Variants in ZNF516 observed in about 807,000 individuals in gnomAD.
The protein encoded by ZNF516 is zinc finger protein 516.
ZNF516 carries 19 observed loss-of-function variants against 79.7 expected under a neutral mutation model. The ratio of observed to expected loss-of-function variants is 0.24; its 90% CI spans 0.17 to 0.35. The LOEUF (loss-of-function observed/expected upper bound fraction) is 0.35. Among genes scored for constraint, ZNF516 ranks in the 10% least tolerant of loss-of-function variants. ZNF516 has a pLI of 1.00. For synonymous variants in ZNF516, 877 were observed against 739.5 expected, an observed-to-expected ratio of 1.19 and a Z score of -3.02; for missense variants, 1,678 against 1,679.5, an observed-to-expected ratio of 1.00 and a Z score of 0.02.
chr18:76,412,607 G>C (rs541115395), intron 3 of ZNF516, among the ~76,000 whole-genome samples: 3 of 152,288 alleles, frequency 2.0e-5, no homozygotes, highest in Admixed American at 1.3e-4. Context: ...CTGGGTAATA[G>C]AGGAAGGGAG....
chr18:76,440,588 T>C (rs749889262), intron 3 of ZNF516, among the ~76,000 whole-genome samples: 4 of 152,256 alleles, frequency 2.6e-5, no homozygotes, highest in Non-Finnish European at 4.4e-5. Context: ...CATCTTTAAA[T>C]ATTTACATGG....
intron 3 of ZNF516, among the ~76,000 whole-genome samples, chr18:76,415,017 G>A (rs766785035): frequency 3.9e-5 from 6 of 152,146 alleles, no homozygotes; most frequent in Admixed American, 6.5e-5. Flanking sequence ...GGCCAACCTG[G>A]TGAAACCCCA....
intron 1 of ZNF516, among the ~76,000 whole-genome samples, chr18:76,491,451 G>A (rs1449623790): frequency 8.1e-6 from 1 of 123,102 alleles, no homozygotes; most frequent in South Asian, 2.9e-4. Context: ...ACAGACCCCC[G>A]CCTTTGTTAT....
intron 6 of ZNF516, among the ~76,000 whole-genome samples, chr18:76,369,414 AAAAAAC>A (rs149758595): frequency 9.2e-5 from 14 of 152,336 alleles, no homozygotes; most frequent in Non-Finnish European, 1.9e-4. Context: ...AACAAGGCAA[AAAAAAC>A]AAAAACAAAA....
Position 76,362,312 on chromosome 18 carries a change from CAAG to C in ZNF516, c.*183_*185del. 1.8e-6 allele frequency: 1 copy of C among 543,698 alleles called. No homozygotes were observed. Among genetic ancestry groups the C allele is most frequent in the Non-Finnish European group, 3.4e-6 (1 of 295,422 alleles). The allele number at this position is 543,698 out of a possible 1,614,324, so 33.7% of individuals were successfully genotyped here. On this transcript the variant is annotated 3_prime_UTR_variant, in exon 7 of 7. Transcript: ENST00000443185. ...TCTTCATTTATTTCTGAACGTTTAA[CAAG>C]GAGAGGCATCTGCCTTCAGTTTCCA... is the stretch of plus-strand genomic sequence containing the variant.
At chr18:76,460,826 G>A (rs1223333767) in intron 2 of ZNF516, among the ~76,000 whole-genome samples, 2 of 152,186 alleles carry the variant, frequency 1.3e-5, no homozygotes, top group South Asian at 2.1e-4. Flanking sequence ...TGATCGCCTC[G>A]CTTGTTCATG....
intron 3 of ZNF516, among the ~76,000 whole-genome samples, chr18:76,380,553 A>C (rs1053776651): frequency 6.6e-6 from 1 of 152,142 alleles, no homozygotes; most frequent in Non-Finnish European, 1.5e-5. Flanking sequence ...ATACAATAGC[A>C]GTGGTGTATC....
At chr18:76,434,693 C>A (rs1362696137) in intron 3 of ZNF516, among the ~76,000 whole-genome samples, 1 of 152,234 alleles carries the variant, frequency 6.6e-6, no homozygotes, top group Non-Finnish European at 1.5e-5. Flanking sequence ...CCTGGGACTA[C>A]GCATTCCTGC....
rs533160564 is a variant in ZNF516 at position 76,478,210 on chromosome 18, G to A, written c.-271-15069C>T. On this transcript the variant is annotated intron_variant, in intron 1 of 6. Transcript: ENST00000443185. ...CAAATTCATCGATGAAGACTGCGGA[G>A]AGGAGAGGTATGTAAAACCATCATC... Among the ~76,000 whole-genome samples, 114 of 152,314 alleles carry A rather than the reference G, an allele frequency of 7.5e-4. 1 individual carries two copies. Among genetic ancestry groups the A allele is most frequent in the African/African-American group, 2.6e-3 (108 of 41,544 alleles).
intron 3 of ZNF516, among the ~76,000 whole-genome samples, chr18:76,406,921 G>A (rs913414474): frequency 1.3e-5 from 2 of 151,974 alleles, no homozygotes; most frequent in Non-Finnish European, 2.9e-5. Context: ...CCCCTGCCAG[G>A]CCGGAGTCCC....
At chr18:76,435,259 C>T (rs1214171668) in intron 3 of ZNF516, among the ~76,000 whole-genome samples, 1 of 152,134 alleles carries the variant, frequency 6.6e-6, no homozygotes, top group Non-Finnish European at 1.5e-5. Context: ...AAGAAAGCCC[C>T]GGAGTATAAT....
At chr18:76,483,222 C>G (rs1327483386) in intron 1 of ZNF516, among the ~76,000 whole-genome samples, 2 of 152,108 alleles carry the variant, frequency 1.3e-5, no homozygotes, top group African/African-American at 4.8e-5. Flanking sequence ...GTTTAATAAT[C>G]TGCAAAGGTC....
At position 76,379,419 on chromosome 18, in the gene ZNF516, C is replaced by T. The variant is rs559349577; in HGVS notation, c.2695G>A (p.Ala899Thr). The T allele has an allele frequency of 2.4e-5, 38 of 1,610,174 alleles. No homozygotes were observed. Among genetic ancestry groups the T allele is most frequent in the South Asian group, 7.7e-5 (7 of 90,836 alleles). ...KPCHGQEPHG[A>T]ATQGPLAKPR... Reference sequence around the variant, plus strand: ...TTGGCCAGGGGCCCCTGTGTGGCCGCGCCATGTGGCTCCTGGCCGTGACAA... The same window carrying T: ...TTGGCCAGGGGCCCCTGTGTGGCCGTGCCATGTGGCTCCTGGCCGTGACAA... The change falls in exon 4 of 7, where the codon GCG becomes ACG. Residue 899 changes from alanine to threonine, a missense_variant. By Grantham distance (58) the Ala-to-Thr change is moderately conservative. Transcript: ENST00000443185.
intron 1 of ZNF516, among the ~76,000 whole-genome samples, chr18:76,477,310 T>C (rs755345072): frequency 9.2e-5 from 14 of 152,288 alleles, no homozygotes; most frequent in Middle Eastern, 3.4e-3. Flanking sequence ...GTGACTAATA[T>C]AGCAAGCACG....
At chr18:76,372,753 A>C (rs1300080469) in intron 4 of ZNF516, 1 of 152,284 alleles carries the variant, frequency 6.6e-6, no homozygotes, top group Non-Finnish European at 1.5e-5. Flanking sequence ...ACAGATCATT[A>C]ACATGAATCA....
At chr18:76,482,208 C>A (rs1914563935) in intron 1 of ZNF516, among the ~76,000 whole-genome samples, 1 of 152,202 alleles carries the variant, frequency 6.6e-6, no homozygotes, top group Admixed American at 6.5e-5. Context: ...TGCCAGAAAG[C>A]TCACATCCTA....
rs556349656 is a variant in ZNF516, at chr18:76,453,190, C to T, written c.-158+9838G>A. 6.6e-5 allele frequency among the ~76,000 whole-genome samples: 10 copies of T among 152,262 alleles called. No homozygotes were observed. In the South Asian group the frequency reaches 2.1e-3, roughly 32 times the overall value. On this transcript the variant is annotated intron_variant, in intron 2 of 6. Coordinates refer to ENST00000443185, the MANE Select transcript of ZNF516 (RefSeq NM_014643.4). ...GCAGATAAATGTGCTGTTTAGAGCC[C>T]CTTCGTCTGCCACAAAGAGCTGGCG...
Position 76,379,954 on chromosome 18 carries a change from C to T in ZNF516, c.2160G>A (p.Gly720=). The T allele has an allele frequency of 4.3e-6, 7 of 1,614,006 alleles. No individual in the cohort carries two copies. Among genetic ancestry groups the T allele is most frequent in the Non-Finnish European group, 5.9e-6 (7 of 1,179,890 alleles). The change falls in exon 4 of 7, where the codon GGG becomes GGA. Residue 720 remains glycine, a synonymous_variant. Transcript: ENST00000443185. ...LSDLHNKEHS[G]GGKRALAPDL... ...CTGGGGCCAGCGCCCGCTTCCCTCC[C>T]CCAGAGTGTTCCTTGTTGTGCAAAT...
intron 3 of ZNF516, among the ~76,000 whole-genome samples, chr18:76,440,002 A>T (rs577606929): frequency 6.6e-6 from 1 of 152,360 alleles, no homozygotes; most frequent in South Asian, 2.1e-4. Flanking sequence ...TTCAGAGAAG[A>T]CCATGTCCCC....
Sources: allele counts gnomAD v4.1 joint callset (sites outside exome capture counted in the v4.1 genomes callset), GRCh38; gene constraint gnomAD v4.1.1; transcripts MANE v1.5; gene names NCBI Gene and HGNC (gene_info 2026-07-23, HGNC 2026-07-21).